RABGAP1L: variants seen among roughly 807,000 people sequenced by gnomAD.
RABGAP1L encodes the protein RAB GTPase activating protein 1 like.
RABGAP1L carries 63 observed loss-of-function variants against 137.7 expected under a neutral mutation model. That is an observed-to-expected ratio of 0.46 (90% CI 0.37 to 0.56). RABGAP1L has a LOEUF of 0.56. Among genes scored for constraint, RABGAP1L ranks in the 20% least tolerant of loss-of-function variants. The pLI is 0.00. For synonymous variants in RABGAP1L, 431 were observed against 433.7 expected (o/e 0.99, Z 0.08); for missense variants, 1,095 against 1,244.0 (o/e 0.88, Z 1.80).
intron 19 of RABGAP1L, among the ~76,000 whole-genome samples, chr1:174,880,882 C>T (rs1347453616): frequency 6.6e-6 from 1 of 152,112 alleles, no homozygotes; most frequent in African/African-American, 2.4e-5. Flanking sequence ...CCATCACACC[C>T]AGCCAAGAGC....
intron 22 of RABGAP1L, among the ~76,000 whole-genome samples, chr1:174,976,517 G>A (rs1670652506): frequency 6.6e-6 from 1 of 152,120 alleles, no homozygotes; most frequent in Non-Finnish European, 1.5e-5. Flanking sequence ...ATTTTGTGTT[G>A]TATCTCCAAG....
At chr1:174,309,882 A>T (rs1338147157) in intron 11 of RABGAP1L, among the ~76,000 whole-genome samples, 2 of 152,060 alleles carry the variant, frequency 1.3e-5, no homozygotes, top group Admixed American at 1.3e-4. Context: ...ATAAAATGAG[A>T]TTGGAATTAC....
At chr1:174,524,745 A>G (rs1043557548) in intron 13 of RABGAP1L, among the ~76,000 whole-genome samples, 4 of 143,610 alleles carry the variant, frequency 2.8e-5, no homozygotes, top group African/African-American at 1.1e-4. Context: ...TAATTTCACT[A>G]TGTTGTCTTC....
intron 1 of RABGAP1L, among the ~76,000 whole-genome samples, chr1:174,188,349 C>T (rs1274216471): frequency 2.0e-5 from 3 of 152,100 alleles, no homozygotes; most frequent in Non-Finnish European, 2.9e-5. Context: ...TTAACCTGTT[C>T]ATAAAATAAG....
chr1:174,678,253 A>G (rs1409164191), intron 14 of RABGAP1L, among the ~76,000 whole-genome samples: 1 of 152,192 alleles, frequency 6.6e-6, no homozygotes, highest in Non-Finnish European at 1.5e-5. Context: ...CATAATAAAA[A>G]CCTTTCCAAG....
chr1:174,224,383 T>C (rs564194663), intron 3 of RABGAP1L, among the ~76,000 whole-genome samples: 46 of 152,164 alleles, frequency 3.0e-4, no homozygotes, highest in African/African-American at 9.9e-4. Flanking sequence ...GGCAGGAGAA[T>C]GGCTTGAACC....
chr1:174,412,276 GAAC>G (rs1650026206), intron 13 of RABGAP1L, among the ~76,000 whole-genome samples: 1 of 152,002 alleles, frequency 6.6e-6, no homozygotes. Flanking sequence ...TCTAATATAA[GAAC>G]AGCCACCCTT....
intron 11 of RABGAP1L, among the ~76,000 whole-genome samples, chr1:174,347,181 A>G (rs1558151002): frequency 6.6e-6 from 1 of 152,144 alleles, no homozygotes; most frequent in East Asian, 1.9e-4. Context: ...AGAAGAATGT[A>G]TATTCTGTAG....
At chr1:174,760,757 A>G (rs1391209553) in intron 18 of RABGAP1L, among the ~76,000 whole-genome samples, 4 of 152,222 alleles carry the variant, frequency 2.6e-5, no homozygotes, top group Non-Finnish European at 4.4e-5. Flanking sequence ...ACTGCTTTCC[A>G]TGGTGGCTGA....
intron 18 of RABGAP1L, among the ~76,000 whole-genome samples, chr1:174,807,442 C>T (rs138906519): frequency 2.0e-5 from 3 of 152,188 alleles, no homozygotes; most frequent in East Asian, 1.9e-4. Context: ...CAATCTTTGC[C>T]GAGCAAGAAG....
chr1:174,728,131 TATTTA>T (rs1682147034), intron 17 of RABGAP1L, among the ~76,000 whole-genome samples: 2 of 152,248 alleles, frequency 1.3e-5, no homozygotes, highest in Non-Finnish European at 2.9e-5. Context: ...GACCTACAAA[TATTTA>T]ATTGGTATCC....
chr1:174,848,394 A>C (rs1317136875), intron 19 of RABGAP1L, among the ~76,000 whole-genome samples: 2 of 134,192 alleles, frequency 1.5e-5, no homozygotes, highest in Admixed American at 7.5e-5. Flanking sequence ...GGTGATGTAC[A>C]GATGGGTTTT....
At chr1:174,847,728 T>G (rs372182654) in intron 19 of RABGAP1L, among the ~76,000 whole-genome samples, 6 of 123,276 alleles carry the variant, frequency 4.9e-5, no homozygotes, top group African/African-American at 1.9e-4. Flanking sequence ...TTCTCGAGGA[T>G]TATCTTTGTG....
intron 18 of RABGAP1L, among the ~76,000 whole-genome samples, chr1:174,758,503 C>T (rs1349427851): frequency 6.6e-6 from 1 of 152,080 alleles, no homozygotes; most frequent in Non-Finnish European, 1.5e-5. Context: ...TATGCTTTTG[C>T]ATACCCATAG....
chr1:174,847,016 T>G (rs1348337840), intron 19 of RABGAP1L, among the ~76,000 whole-genome samples: 1 of 85,098 alleles, frequency 1.2e-5, no homozygotes. Context: ...TTTGTTGGTT[T>G]AAAGTCTGTT....
Position 174,278,610 on chromosome 1 carries a change from C to T in RABGAP1L, c.1157-3C>T, listed in dbSNP as rs376814056. The T allele has an allele frequency of 2.5e-6, 4 of 1,600,796 alleles. No homozygotes were observed. The highest frequency in any genetic ancestry group is 3.4e-6 in the Non-Finnish European group (4 of 1,175,928). On this transcript the variant is annotated splice_region_variant and splice_polypyrimidine_tract_variant and intron_variant, in intron 9 of 25. Coordinates refer to ENST00000681986, the MANE Select transcript of RABGAP1L (RefSeq NM_001366446.1). Reference sequence around the variant, plus strand: ...CATAAAACCCAGAAAATTTCTACTACAGATAAGCAAGTATACATGACTGTG... The same window carrying T: ...CATAAAACCCAGAAAATTTCTACTATAGATAAGCAAGTATACATGACTGTG...
At position 174,231,146 on chromosome 1, in the gene RABGAP1L, A is replaced by G. The variant is rs761108322; in HGVS notation, c.333A>G (p.Glu111=). 1 of 1,601,026 alleles carries G rather than the reference A, an allele frequency of 6.2e-7. No homozygotes were observed. Among genetic ancestry groups the G allele is most frequent in the Non-Finnish European group, 8.5e-7 (1 of 1,171,802 alleles). ...LQLILDPSNT[E]ISTPRPSSPG... ...GTGTTTCTTTTTTTGTTTCTTCAGA[A>G]ATTTCTACACCCAGACCATCTTCTC... Residue 111 remains glutamate (E), a splice_region_variant and synonymous_variant, in exon 4 of 26, where the codon GAA becomes GAG. Coordinates refer to ENST00000681986, the MANE Select transcript of RABGAP1L (RefSeq NM_001366446.1).
intron 18 of RABGAP1L, among the ~76,000 whole-genome samples, chr1:174,797,092 C>T (rs1466529805): frequency 2.6e-5 from 4 of 152,070 alleles, no homozygotes; most frequent in African/African-American, 9.7e-5. Flanking sequence ...CAGAGCCAAA[C>T]CATACAGTTC....
chr1:174,952,524 T>C (rs781677089), intron 19 of RABGAP1L, among the ~76,000 whole-genome samples: 22 of 151,044 alleles, frequency 1.5e-4, no homozygotes, highest in Non-Finnish European at 2.7e-4. Context: ...AAAAAAAAAA[T>C]GATGATTGAG....
Sources: allele counts gnomAD v4.1 joint callset (sites outside exome capture counted in the v4.1 genomes callset), GRCh38; gene constraint gnomAD v4.1.1; transcripts MANE v1.5; gene names NCBI Gene and HGNC (gene_info 2026-07-23, HGNC 2026-07-21).